CDK13: variants seen among roughly 807,000 people sequenced by gnomAD.
CDK13 encodes cyclin dependent kinase 13, also known as cyclin-dependent kinase 13.
CDK13 carries 40 observed loss-of-function variants against 137.6 expected under a neutral mutation model. The observed-to-expected ratio is 0.29, with a 90% CI of 0.23 to 0.38. The LOEUF is 0.38. Among genes scored for constraint, CDK13 ranks in the 10% least tolerant of loss-of-function variants. The probability of loss-of-function intolerance (pLI) is 1.00; values close to 1 mark genes in which losing one functional copy is unlikely to be tolerated. For missense variants in CDK13, 1,704 were observed against 1,951.8 expected (o/e 0.87, Z 2.39); for synonymous variants, 869 against 760.1 (o/e 1.14, Z -2.36).
intron 1 of CDK13, 78 bp downstream of exon 1, chr7:39,951,930 G>C (rs1176045014): frequency 7.7e-7 from 1 of 1,301,684 alleles, no homozygotes; most frequent in African/African-American, 1.5e-5. Flanking sequence ...GTGGTGCCCG[G>C]GTCCTCAGAA....
At chr7:40,069,860 TC>T (rs1420966039) in intron 9 of CDK13, 2 of 152,096 alleles carry the variant, frequency 1.3e-5, no homozygotes, top group African/African-American at 4.8e-5. Context: ...GGCAGGTAGA[TC>T]ATCTGAGGTC....
intron 11 of CDK13, among the ~76,000 whole-genome samples, chr7:40,079,778 T>A (rs1456825746): frequency 6.6e-6 from 1 of 152,160 alleles, no homozygotes. Flanking sequence ...AATGTTAGTA[T>A]CAGAAGCCTG....
intron 1 of CDK13, among the ~76,000 whole-genome samples, chr7:39,953,668 T>A (rs1291893842): frequency 6.6e-6 from 1 of 152,232 alleles, no homozygotes; most frequent in Non-Finnish European, 1.5e-5. Context: ...CTTGCCCTCA[T>A]AGAGCTTGCA....
intron 2 of CDK13, among the ~76,000 whole-genome samples, chr7:39,994,235 C>G (rs954481164): frequency 2.6e-5 from 4 of 151,902 alleles, no homozygotes; most frequent in Admixed American, 2.6e-4. Context: ...TCCTTTAAAA[C>G]TTCTAGGTTT....
intron 5 of CDK13, among the ~76,000 whole-genome samples, chr7:40,002,740 G>A (rs1482966648): frequency 6.6e-6 from 1 of 151,934 alleles, no homozygotes; most frequent in Non-Finnish European, 1.5e-5. Context: ...GTATTCTGAG[G>A]TTTGCAAACA....
intron 13 of CDK13, 72 bp downstream of exon 13, chr7:40,093,309 AATGTG>A: frequency 6.4e-6 from 8 of 1,245,132 alleles, no homozygotes; most frequent in Non-Finnish European, 9.0e-6. Flanking sequence ...GACTATATAT[AATGTG>A]TATAGTTCAG....
chr7:40,022,973 A>G (rs965949464), intron 5 of CDK13, among the ~76,000 whole-genome samples: 3 of 151,788 alleles, frequency 2.0e-5, no homozygotes, highest in African/African-American at 4.8e-5. Flanking sequence ...GATCAATGCA[A>G]TTGTTGCAGC....
At chr7:39,973,257 C>T (rs1367780740) in intron 1 of CDK13, among the ~76,000 whole-genome samples, 1 of 152,110 alleles carries the variant, frequency 6.6e-6, no homozygotes, top group Non-Finnish European at 1.5e-5. Flanking sequence ...CTATCTTAGC[C>T]TCCTGAGCAG....
intron 2 of CDK13, among the ~76,000 whole-genome samples, chr7:39,992,404 G>A (rs190091773): frequency 6.6e-6 from 1 of 151,930 alleles, no homozygotes; most frequent in Non-Finnish European, 1.5e-5. Flanking sequence ...CACCGTGTTG[G>A]CCAGGCTGGT....
At chr7:40,057,901 G>T (rs2150523960) in intron 7 of CDK13, among the ~76,000 whole-genome samples, 1 of 152,240 alleles carries the variant, frequency 6.6e-6, no homozygotes, top group African/African-American at 2.4e-5. Context: ...TGAGAGAAAA[G>T]ATTGTGTTTA....
intron 1 of CDK13, among the ~76,000 whole-genome samples, chr7:39,976,323 T>TCTCTCTCTCTCTCTCA: frequency 0.013 from 525 of 39,558 alleles, 14 homozygotes; most frequent in Non-Finnish European, 0.021. Flanking sequence ...TCTCTCTCTC[T>TCTCTCTCTCTCTCTCA]CACACACACA....
intron 1 of CDK13, chr7:39,985,823 G>A (rs1784325028): frequency 6.6e-6 from 1 of 152,230 alleles, no homozygotes; most frequent in Admixed American, 6.5e-5. Flanking sequence ...CAGCAGAGAA[G>A]CCCAAAGGGC....
chr7:39,997,836 A>G (rs1325787061), intron 3 of CDK13, 172 bp downstream of exon 3: 4 of 546,390 alleles, frequency 7.3e-6, no homozygotes, highest in African/African-American at 2.0e-5. Context: ...TTGCATTCCT[A>G]TTCACAATGA....
chr7:40,035,889 C>A (rs1468347584), intron 5 of CDK13, among the ~76,000 whole-genome samples: 1 of 146,858 alleles, frequency 6.8e-6, no homozygotes, highest in Non-Finnish European at 1.5e-5. Flanking sequence ...AAATATATAA[C>A]CTTGGCTTCC....
chr7:40,021,110 T>TACACACACAC (rs1284247106), intron 5 of CDK13, among the ~76,000 whole-genome samples: 53 of 81,940 alleles, frequency 6.5e-4, no homozygotes, highest in East Asian at 5.0e-3. Context: ...AACGTATATA[T>TACACACACAC]ATATATATAT....
At position 39,979,158 on chromosome 7, in the gene CDK13, C is replaced by T. The variant is rs865915489; in HGVS notation, c.1212-8441C>T. ...GGTGTCTGTAGAAATGGAGCAGACA[C>T]AGACTAGTAATAAAGTAAAAAAGAC... On this transcript the variant is annotated intron_variant, in intron 1 of 13. Coordinates refer to ENST00000181839, the MANE Select transcript of CDK13 (RefSeq NM_003718.5). 7.9e-5 allele frequency among the ~76,000 whole-genome samples: 12 copies of T among 151,112 alleles called. No individual in the cohort carries two copies. In the South Asian group the frequency reaches 2.1e-3, roughly 26 times the overall value.
chr7:39,976,737 A>G (rs1354355392), intron 1 of CDK13, among the ~76,000 whole-genome samples: 2 of 152,216 alleles, frequency 1.3e-5, no homozygotes, highest in Non-Finnish European at 2.9e-5. Flanking sequence ...AATAAAATAG[A>G]ACAATTATAA....
intron 5 of CDK13, among the ~76,000 whole-genome samples, chr7:40,024,008 A>G (rs1242526854): frequency 6.6e-6 from 1 of 152,254 alleles, no homozygotes; most frequent in East Asian, 1.9e-4. Flanking sequence ...CATTTTCTGC[A>G]GGGAAAGTAA....
chr7:40,035,883 A>G (rs770394669), intron 5 of CDK13, among the ~76,000 whole-genome samples: 1 of 151,182 alleles, frequency 6.6e-6, no homozygotes, highest in Non-Finnish European at 1.5e-5. Flanking sequence ...CTACATAAAT[A>G]TATAACCTTG....
Sources: gnomAD v4.1 joint callset for allele counts (sites outside exome capture counted in the v4.1 genomes callset) on GRCh38, gnomAD v4.1.1 for gene constraint, MANE v1.5 for transcripts, NCBI Gene and HGNC (gene_info 2026-07-23, HGNC 2026-07-21) for gene names.